ADAMTS18: variants seen among roughly 807,000 people sequenced by gnomAD.
ADAMTS18 encodes ADAM metallopeptidase with thrombospondin type 1 motif 18, also known as A disintegrin and metalloproteinase with thrombospondin motifs 18.
Under a neutral mutation model 165.9 loss-of-function variants are expected in ADAMTS18, and 157 were observed. The observed-to-expected ratio is 0.95, with a 90% CI of 0.83 to 1.08. The LOEUF is 1.08. Ranked by LOEUF, ADAMTS18 falls within the 50% of genes least tolerant of loss-of-function variation. The pLI is 0.00. For missense variants in ADAMTS18, 2,040 were observed against 1,534.0 expected (o/e 1.33, Z -5.51); for synonymous variants, 782 against 578.2 (o/e 1.35, Z -5.06).
At chr16:77,379,542 A>C (rs1293209902) in intron 3 of ADAMTS18, among the ~76,000 whole-genome samples, 2 of 152,112 alleles carry the variant, frequency 1.3e-5, no homozygotes, top group Non-Finnish European at 2.9e-5. Context: ...AGGCTGGAGT[A>C]CAGTGGAGCT....
At chr16:77,307,962 G>A (rs2055711333) in intron 16 of ADAMTS18, among the ~76,000 whole-genome samples, 1 of 152,074 alleles carries the variant, frequency 6.6e-6, no homozygotes, top group South Asian at 2.1e-4. Context: ...ATCTCCTTTG[G>A]CCAAAGAGTG....
chr16:77,353,479 G>A (rs754857081), intron 10 of ADAMTS18, among the ~76,000 whole-genome samples: 14 of 152,098 alleles, frequency 9.2e-5, no homozygotes, highest in Non-Finnish European at 1.8e-4. Context: ...TTACTAGTAG[G>A]GATAAAGTCT....
At chr16:77,376,205 A>C (rs1362532110) in intron 3 of ADAMTS18, among the ~76,000 whole-genome samples, 2 of 152,230 alleles carry the variant, frequency 1.3e-5, no homozygotes, top group Admixed American at 6.5e-5. Flanking sequence ...ACCCGGCCGC[A>C]GACACATCTT....
At chr16:77,302,391 C>T (rs1441370266) in intron 16 of ADAMTS18, among the ~76,000 whole-genome samples, 1 of 152,050 alleles carries the variant, frequency 6.6e-6, no homozygotes, top group Non-Finnish European at 1.5e-5. Context: ...GAAAATTATG[C>T]ACTGTACCGT....
At chr16:77,330,278 A>G (rs943096826) in intron 12 of ADAMTS18, among the ~76,000 whole-genome samples, 1 of 152,240 alleles carries the variant, frequency 6.6e-6, no homozygotes, top group Non-Finnish European at 1.5e-5. Flanking sequence ...GAAAAGTTCT[A>G]GAACACCTTA....
At chr16:77,403,908 T>G (rs574410603) in intron 3 of ADAMTS18, among the ~76,000 whole-genome samples, 7 of 151,800 alleles carry the variant, frequency 4.6e-5, no homozygotes, top group African/African-American at 1.5e-4. Flanking sequence ...GAGAAGAGGG[T>G]TGGCTGGGAA....
intron 3 of ADAMTS18, among the ~76,000 whole-genome samples, chr16:77,397,487 T>C (rs2057273496): frequency 2.0e-5 from 3 of 152,238 alleles, no homozygotes; most frequent in Admixed American, 2.0e-4. Context: ...GCTCTTCTTT[T>C]TGACAAGTTT....
rs763323193 is a variant in ADAMTS18, at chr16:77,367,581, C to T, written c.638G>A (p.Arg213Gln). 110 of 1,614,048 alleles carry T rather than the reference C, an allele frequency of 6.8e-5. No individual in the cohort carries two copies. The highest frequency in any genetic ancestry group is 8.6e-5 in the Non-Finnish European group (101 of 1,180,046). The change falls in exon 4 of 23, where the codon CGG (arginine) becomes CAG (glutamine). Residue 213 changes from arginine (R) to glutamine (Q), a missense_variant. Arg to Gln is a conservative substitution (Grantham distance 43). Coordinates refer to ENST00000282849, the MANE Select transcript of ADAMTS18 (RefSeq NM_199355.4). Reference sequence around the variant, plus strand: ...GCCAGAGCCGGGGTAGCCACGGTACCGCTGGATCTTCTCCTCTGCTGTCCT... The same window carrying T: ...GCCAGAGCCGGGGTAGCCACGGTACTGCTGGATCTTCTCCTCTGCTGTCCT... ...YKRTAEEKIQRYRGYPGSGRN... is the reference protein window; with the variant it reads ...YKRTAEEKIQQYRGYPGSGRN...
intron 16 of ADAMTS18, among the ~76,000 whole-genome samples, chr16:77,311,407 G>A (rs1347568203): frequency 2.0e-5 from 3 of 152,160 alleles, no homozygotes; most frequent in Admixed American, 1.3e-4. Flanking sequence ...CATAGCTGTT[G>A]TATGGAAAGG....
At chr16:77,387,105 A>C (rs2057118544) in intron 3 of ADAMTS18, among the ~76,000 whole-genome samples, 1 of 152,202 alleles carries the variant, frequency 6.6e-6, no homozygotes, top group African/African-American at 2.4e-5. Context: ...TGTGTTAGGC[A>C]AATGCACATG....
At chr16:77,408,700 G>T (rs769821126) in intron 3 of ADAMTS18, among the ~76,000 whole-genome samples, 1 of 152,164 alleles carries the variant, frequency 6.6e-6, no homozygotes, top group Non-Finnish European at 1.5e-5. Flanking sequence ...TCTGTGGAGT[G>T]AGACAATTTG....
rs201327936 is a variant in ADAMTS18, at chr16:77,289,216, A to C, written c.3550+48T>G. On this transcript the variant is annotated intron_variant, in intron 22 of 22. Transcript: ENST00000282849. ...CTACTAACAAAGTAGCCTTTGAAAAAATTATCTAAAGACTAGTAAAGTTGA... is the reference window on the plus strand; with the variant it reads ...CTACTAACAAAGTAGCCTTTGAAAACATTATCTAAAGACTAGTAAAGTTGA... 1.9e-6 allele frequency: 3 copies of C among 1,610,902 alleles called. No individual in the cohort carries two copies. The Admixed American group carries it at 5.0e-5, about 27-fold the overall frequency.
At chr16:77,384,743 CAA>C (rs2057081219) in intron 3 of ADAMTS18, among the ~76,000 whole-genome samples, 1 of 152,114 alleles carries the variant, frequency 6.6e-6, no homozygotes, top group African/African-American at 2.4e-5. Flanking sequence ...AAAATTTAGA[CAA>C]GAAGAGAAAC....
Position 77,434,455 on chromosome 16 carries a change from G to T in ADAMTS18, c.141C>A (p.Ala47=). 6.4e-7 allele frequency: 1 copy of T among 1,573,708 alleles called. No individual in the cohort carries two copies. The stretch of plus-strand genomic sequence containing the variant: ...CGCTGGCGCCGCTGCTGCTGTCACT[G>T]GCTAAGGCCGCGGCGACCGACGCAC... ...LCCASVAAAL[A]SDSSSGASGL... Residue 47 remains alanine, a synonymous_variant, in exon 2 of 23, where the codon GCC becomes GCA. Coordinates refer to ENST00000282849, the MANE Select transcript of ADAMTS18 (RefSeq NM_199355.4).
chr16:77,390,942 C>T (rs1214742494), intron 3 of ADAMTS18, among the ~76,000 whole-genome samples: 1 of 152,214 alleles, frequency 6.6e-6, no homozygotes, highest in East Asian at 1.9e-4. Context: ...TTCTATGGAA[C>T]AGCATTGCAA....
chr16:77,374,514 G>C (rs1210511642), intron 3 of ADAMTS18, among the ~76,000 whole-genome samples: 2 of 152,066 alleles, frequency 1.3e-5, no homozygotes, highest in Non-Finnish European at 2.9e-5. Context: ...CTTTCAAGCT[G>C]CATGCAGACC....
chr16:77,310,031 A>T (rs969687872), intron 16 of ADAMTS18, among the ~76,000 whole-genome samples: 1 of 152,202 alleles, frequency 6.6e-6, no homozygotes, highest in Admixed American at 6.5e-5. Context: ...GATCAGATAC[A>T]GTGGTTTTTA....
At chr16:77,320,632 C>CT (rs2144638917) in intron 15 of ADAMTS18, among the ~76,000 whole-genome samples, 1 of 20,364 alleles carries the variant, frequency 4.9e-5, no homozygotes, top group East Asian at 1.9e-3. Context: ...GAGCAAGACT[C>CT]TGTCTCAAAA....
intron 6 of ADAMTS18, among the ~76,000 whole-genome samples, chr16:77,363,440 C>G (rs1334225618): frequency 1.3e-5 from 2 of 152,040 alleles, no homozygotes; most frequent in Non-Finnish European, 2.9e-5. Context: ...CTAGCTAATC[C>G]TTAAATCTAT....
Sources: gnomAD v4.1 joint callset for allele counts (sites outside exome capture counted in the v4.1 genomes callset) on GRCh38, gnomAD v4.1.1 for gene constraint, MANE v1.5 for transcripts, NCBI Gene and HGNC (gene_info 2026-07-23, HGNC 2026-07-21) for gene names.